Variants in DGKB observed in about 807,000 individuals in gnomAD.
DGKB encodes diacylglycerol kinase beta.
Under a neutral mutation model 114.3 loss-of-function variants are expected in DGKB, and 67 were observed. The observed-to-expected ratio is 0.59, with a 90% CI of 0.48 to 0.72. The LOEUF (loss-of-function observed/expected upper bound fraction) is 0.72. Ranked by LOEUF, DGKB falls within the 30% of genes least tolerant of loss-of-function variation. DGKB has a pLI of 0.00. For missense variants in DGKB, 907 were observed against 975.2 expected (o/e 0.93, Z 0.93); for synonymous variants, 398 against 323.1 (o/e 1.23, Z -2.49).
At chr7:14,613,842 GT>G (rs1399152948) in intron 15 of DGKB, among the ~76,000 whole-genome samples, 1 of 152,072 alleles carries the variant, frequency 6.6e-6, no homozygotes, top group African/African-American at 2.4e-5. Flanking sequence ...CTAATTGAGA[GT>G]TTCGAGGCAT....
chr7:14,605,307 AT>A (rs1563654965), intron 17 of DGKB, among the ~76,000 whole-genome samples: 2 of 150,638 alleles, frequency 1.3e-5, no homozygotes, highest in Non-Finnish European at 3.0e-5. Flanking sequence ...TAAAATCTAT[AT>A]TCTGTTACGT....
chr7:14,721,448 T>C (rs1380216988), intron 5 of DGKB, among the ~76,000 whole-genome samples: 1 of 152,186 alleles, frequency 6.6e-6, no homozygotes, highest in Admixed American at 6.5e-5. Flanking sequence ...AAATGAGTAA[T>C]ATTTTCCATT....
intron 21 of DGKB, among the ~76,000 whole-genome samples, chr7:14,354,257 G>T (rs911061445): frequency 6.6e-6 from 1 of 152,130 alleles, no homozygotes; most frequent in African/African-American, 2.4e-5. Flanking sequence ...TACACAAAAA[G>T]CTGTAGTTTA....
At chr7:14,337,333 G>A (rs1810859186) in intron 23 of DGKB, among the ~76,000 whole-genome samples, 1 of 151,692 alleles carries the variant, frequency 6.6e-6, no homozygotes, top group South Asian at 2.1e-4. Context: ...TATATTTTGA[G>A]TATGTAATTT....
intron 1 of DGKB, among the ~76,000 whole-genome samples, chr7:14,866,136 A>G (rs771615872): frequency 2.6e-5 from 4 of 152,128 alleles, no homozygotes; most frequent in Non-Finnish European, 5.9e-5. Flanking sequence ...ATTCATAGCA[A>G]AACTAAGAGG....
intron 1 of DGKB, among the ~76,000 whole-genome samples, chr7:14,954,256 C>T (rs1212401465): frequency 6.6e-6 from 1 of 151,944 alleles, no homozygotes; most frequent in African/African-American, 2.4e-5. Flanking sequence ...AACTGATGTC[C>T]ATGGTGCTGA....
rs142857581 is a variant in DGKB, at chr7:14,928,140, A to G, written c.-188+46556T>C. Among the ~76,000 whole-genome samples the G allele has an allele frequency of 1.6e-4, 24 of 152,142 alleles. 1 individual carries two copies. In the East Asian group the frequency reaches 4.6e-3, roughly 29 times the overall value. ...ATTCTATTTATGATTTAAGATAAAT[A>G]TGCTAAAATATAGATTCTTTCAACA... On this transcript the variant is annotated intron_variant, in intron 1 of 4. Coordinates refer to the DGKB transcript ENST00000437998.
At chr7:14,386,432 C>G (rs546843207) in intron 21 of DGKB, among the ~76,000 whole-genome samples, 1 of 152,304 alleles carries the variant, frequency 6.6e-6, no homozygotes, top group Admixed American at 6.5e-5. Flanking sequence ...GCCCTTTGCC[C>G]TAACACGTGA....
intron 21 of DGKB, among the ~76,000 whole-genome samples, chr7:14,353,685 G>T (rs1813916695): frequency 1.3e-5 from 2 of 152,032 alleles, no homozygotes; most frequent in South Asian, 2.1e-4. Context: ...TTTTATAAAA[G>T]AATTTTCACA....
chr7:14,376,689 C>A (rs939749567), intron 21 of DGKB, among the ~76,000 whole-genome samples: 2 of 152,144 alleles, frequency 1.3e-5, no homozygotes, highest in African/African-American at 2.4e-5. Context: ...CTCCCCCCAG[C>A]CCCTTCAGTA....
At chr7:14,483,888 C>A (rs1783366843) in intron 20 of DGKB, among the ~76,000 whole-genome samples, 1 of 152,034 alleles carries the variant, frequency 6.6e-6, no homozygotes, top group African/African-American at 2.4e-5. Context: ...CTAGGAGCAC[C>A]TCGATTTTAG....
chr7:14,437,758 C>T (rs954902767), intron 21 of DGKB, among the ~76,000 whole-genome samples: 3 of 149,930 alleles, frequency 2.0e-5, no homozygotes, highest in African/African-American at 7.4e-5. Flanking sequence ...CCTACTTACT[C>T]TATAACCCCC....
intron 13 of DGKB, among the ~76,000 whole-genome samples, chr7:14,645,176 A>G (rs1478319348): frequency 2.0e-5 from 3 of 151,954 alleles, no homozygotes; most frequent in Non-Finnish European, 4.4e-5. Flanking sequence ...CCAGACTCAG[A>G]CTCACAAATG....
intron 1 of DGKB, among the ~76,000 whole-genome samples, chr7:14,912,821 C>A (rs1459718559): frequency 6.6e-6 from 1 of 152,118 alleles, no homozygotes; most frequent in Non-Finnish European, 1.5e-5. Context: ...GTGTCCCATA[C>A]GTCTACCTCT....
At chr7:14,682,399 T>A (rs558207873) in intron 12 of DGKB, among the ~76,000 whole-genome samples, 154 bp downstream of exon 12, 1 of 152,192 alleles carries the variant, frequency 6.6e-6, no homozygotes, top group East Asian at 1.9e-4. Flanking sequence ...CCTGAGCCTA[T>A]CTCTTTGCAA....
At chr7:14,944,924 G>C (rs1016133145) in intron 1 of DGKB, among the ~76,000 whole-genome samples, 1 of 151,498 alleles carries the variant, frequency 6.6e-6, no homozygotes, top group African/African-American at 2.4e-5. Flanking sequence ...TTTGTCTGGC[G>C]ATAATCATAC....
intron 5 of DGKB, among the ~76,000 whole-genome samples, chr7:14,724,762 T>C (rs1247559444): frequency 1.3e-5 from 2 of 152,192 alleles, no homozygotes; most frequent in Non-Finnish European, 2.9e-5. Context: ...TTCGTGATCA[T>C]ATACCAGTCA....
chr7:14,238,355 T>G (rs964561225), intron 23 of DGKB, among the ~76,000 whole-genome samples: 1 of 152,012 alleles, frequency 6.6e-6, no homozygotes, highest in South Asian at 2.1e-4. Context: ...GTGCCTTGCT[T>G]CTTCTTCTGC....
intron 17 of DGKB, among the ~76,000 whole-genome samples, chr7:14,596,458 C>T (rs553657549): frequency 4.6e-5 from 7 of 152,236 alleles, no homozygotes; most frequent in African/African-American, 1.7e-4. Context: ...AAATTTATGT[C>T]AGAAAACCAG....
Sources: gnomAD v4.1 joint callset for allele counts (sites outside exome capture counted in the v4.1 genomes callset) on GRCh38, gnomAD v4.1.1 for gene constraint, MANE v1.5 for transcripts, NCBI Gene and HGNC (gene_info 2026-07-23, HGNC 2026-07-21) for gene names.